ARHGEF25: variants seen among roughly 807,000 people sequenced by gnomAD.
The protein encoded by ARHGEF25 is RAC/CDC42 exchange factor.
Under a neutral mutation model 74.0 loss-of-function variants are expected in ARHGEF25, and 42 were observed. The ratio of observed to expected loss-of-function variants is 0.57; its 90% CI spans 0.44 to 0.73. The LOEUF (loss-of-function observed/expected upper bound fraction) is 0.73, where lower values mean the gene tolerates loss of function less well. ARHGEF25 is among the 30% of genes least tolerant of loss of function. The probability of loss-of-function intolerance (pLI) is 0.00; values close to 1 mark genes in which losing one functional copy is unlikely to be tolerated. For synonymous variants in ARHGEF25, 293 were observed against 278.6 expected (o/e 1.05, Z -0.51); for missense variants, 645 against 725.5 (o/e 0.89, Z 1.27).
In ARHGEF25 at chr12:57,615,712, G is replaced by C. The variant is rs1884254527; in HGVS notation, c.1239G>C (p.Lys413Asn). 6.2e-7 allele frequency: 1 copy of C among 1,614,192 alleles called. No homozygotes were observed. The highest frequency in any genetic ancestry group is 8.5e-7 in the Non-Finnish European group (1 of 1,180,036). Residue 413 changes from lysine (K) to asparagine (N), a missense_variant and splice_region_variant, in exon 12 of 15, where the codon AAG (lysine) becomes AAC (asparagine). Transcript: ENST00000286494. ...GATATGTATACAAGAACAGCATTAA[G>C]GTGGGGAGAAGGCCACGAGGGAGGG... ...QPGYVYKNSIKVSCLGLEGNL... is the reference protein window; with the variant it reads ...QPGYVYKNSINVSCLGLEGNL...
rs747710445 is a variant in ARHGEF25, at chr12:57,613,356, G to A, written c.405G>A (p.Thr135=). ...TGTTGGAGGGCCCTGGAGATAAGAC[G>A]CAGGTGTGAGGACAGGCTCTGGGGA... ...TTLLEGPGDK[T]QPPEEETLSQ... The change falls in exon 3 of 15, where the codon ACG becomes ACA. Residue 135 remains threonine, a synonymous_variant. Transcript: ENST00000286494. 1.2e-5 allele frequency: 20 copies of A among 1,614,112 alleles called. No homozygotes were observed. Among genetic ancestry groups the A allele is most frequent in the Non-Finnish European group, 1.4e-5 (17 of 1,180,040 alleles).
In ARHGEF25 at chr12:57,616,024, C is replaced by A; in HGVS notation, c.1420+7C>A. ...CAACGGGACTTCCTCAACGGTGAAG[C>A]TCTCATCCTTTCTTCCCGATGTGCT... On this transcript the variant is annotated splice_region_variant and intron_variant, in intron 13 of 14. Transcript: ENST00000286494. The A allele has an allele frequency of 6.2e-7, 1 of 1,607,132 alleles. No homozygotes were observed. The highest frequency in any genetic ancestry group is 1.1e-5 in the South Asian group (1 of 90,178).
chr12:57,612,650 C>T, intron 1 of ARHGEF25: 2 of 1,214,406 alleles, frequency 1.6e-6, no homozygotes, highest in Non-Finnish European at 2.1e-6. Flanking sequence ...ATGGCTGCCC[C>T]CACCCCCATA....
In ARHGEF25 at chr12:57,611,622, C is replaced by A. The variant is rs1884045978; in HGVS notation, c.-273C>A. The A allele has an allele frequency of 2.9e-6, 3 of 1,043,422 alleles. No homozygotes were observed. The Admixed American group carries it at 1.7e-4, about 59-fold the overall frequency. 64.6% of individuals were successfully genotyped at this position (1,043,422 alleles called of 1,614,324 possible). A position where few individuals can be genotyped will look rare whatever the true frequency, so the allele number is the denominator to read the frequency against. ...TTCCACTGGACATCTGGACCCTAGG[C>A]CCCCGCACCGACAGGGTTCCGGAAA... On this transcript the variant is annotated 5_prime_UTR_variant, in exon 1 of 15. Transcript: ENST00000286494. This position sits in a 1 kb window ranked among gnomAD's most constrained non-coding sequence, Gnocchi z 4.5.
In ARHGEF25 at chr12:57,617,205, T is replaced by C. The variant is rs1487046651; in HGVS notation, c.*311T>C. ...TTATTGGTTTTGTTTTTTAATTTTG[T>C]TTTTCCTGTTTTCTGAGAATAAAGG... On this transcript the variant is annotated 3_prime_UTR_variant, in exon 15 of 15. Transcript: ENST00000286494. The C allele has an allele frequency of 4.0e-6, 1 of 253,002 alleles. No homozygotes were observed. The highest frequency in any genetic ancestry group is 7.5e-6 in the Non-Finnish European group (1 of 133,510). 15.7% of individuals were successfully genotyped at this position (253,002 alleles called of 1,614,324 possible). A position where few individuals can be genotyped will look rare whatever the true frequency, so the allele number is the denominator to read the frequency against.
rs1884049187 is a variant in ARHGEF25, at chr12:57,611,668, G to T, written c.-227G>T. 9.0e-7 allele frequency: 1 copy of T among 1,109,670 alleles called. No individual in the cohort carries two copies. Among genetic ancestry groups the T allele is most frequent in the Non-Finnish European group, 1.1e-6 (1 of 909,966 alleles). 68.7% of individuals were successfully genotyped at this position (1,109,670 alleles called of 1,614,324 possible). ...GGAAACCCTCCCCGCCCAGCCCGGC[G>T]GCCGGGCCCCGCGCCTCTCTCTCTC... On this transcript the variant is annotated 5_prime_UTR_variant, in exon 1 of 15. Coordinates refer to ENST00000286494, the MANE Select transcript of ARHGEF25 (RefSeq NM_182947.4). This position sits in a 1 kb window ranked among gnomAD's most constrained non-coding sequence, Gnocchi z 4.5.
intron 4 of ARHGEF25, 80 bp downstream of exon 4, chr12:57,613,596 A>C: frequency 1.9e-6 from 3 of 1,611,680 alleles, no homozygotes; most frequent in Non-Finnish European, 2.5e-6. Context: ...ATTTCCTCCA[A>C]GGTTGGCTAT....
chr12:57,611,900 G>C lies in ARHGEF25; in HGVS notation c.6G>C (p.Arg2=). The stretch of plus-strand genomic sequence containing the variant: ...CGCGGGGGGGCCCGGGCGCCATGCG[G>C]GGGGGGCACAAAGGGGGTCGCTGTG... M[R]GGHKGGRCAC... The change falls in exon 1 of 15, where the codon CGG becomes CGC. Residue 2 remains arginine, a synonymous_variant. Coordinates refer to ENST00000286494, the MANE Select transcript of ARHGEF25 (RefSeq NM_182947.4). This position sits in a 1 kb window ranked among gnomAD's most constrained non-coding sequence, Gnocchi z 4.5. 6 of 1,257,256 alleles carry C rather than the reference G, an allele frequency of 4.8e-6. No homozygotes were observed. Among genetic ancestry groups the C allele is most frequent in the Non-Finnish European group, 6.1e-6 (6 of 978,216 alleles). 77.9% of individuals were successfully genotyped at this position (1,257,256 alleles called of 1,614,324 possible).
upstream of ARHGEF25, chr12:57,610,171 C>T (rs1376081953): frequency 1.3e-5 from 15 of 1,179,874 alleles, no homozygotes; most frequent in Admixed American, 2.4e-5. Flanking sequence ...CCCCCAGCTT[C>T]AGTGCCCCCT....
rs1884034747 is a variant in ARHGEF25 at position 57,611,443 on chromosome 12, C to A, written c.-452C>A. The A allele has an allele frequency of 2.0e-6, 2 of 985,292 alleles. No individual in the cohort carries two copies. The highest frequency in any genetic ancestry group is 2.4e-6 in the Non-Finnish European group (2 of 830,000). 61.0% of individuals were successfully genotyped at this position (985,292 alleles called of 1,614,324 possible). A position where few individuals can be genotyped will look rare whatever the true frequency, so the allele number is the denominator to read the frequency against. ...CCGCGGCCAGGCCTGTTATTCAGCT[C>A]TCCGCTCCGCTGGGACCCGCACAGC... On this transcript the variant is annotated 5_prime_UTR_variant, in exon 1 of 15. Coordinates refer to ENST00000286494, the MANE Select transcript of ARHGEF25 (RefSeq NM_182947.4). This position sits in a 1 kb window ranked among gnomAD's most constrained non-coding sequence, Gnocchi z 4.5.
In ARHGEF25 at chr12:57,611,445, C is replaced by G; in HGVS notation, c.-450C>G. On this transcript the variant is annotated 5_prime_UTR_variant, in exon 1 of 15. Coordinates refer to ENST00000286494, the MANE Select transcript of ARHGEF25 (RefSeq NM_182947.4). The surrounding 1 kb of genome is among the most constrained non-coding windows in gnomAD (Gnocchi z 4.5). ...GCGGCCAGGCCTGTTATTCAGCTCT[C>G]CGCTCCGCTGGGACCCGCACAGCGC... 6.1e-6 allele frequency: 6 copies of G among 985,422 alleles called. No homozygotes were observed. The highest frequency in any genetic ancestry group is 7.2e-6 in the Non-Finnish European group (6 of 830,010). 61.0% of individuals were successfully genotyped at this position (985,422 alleles called of 1,614,324 possible). A position where few individuals can be genotyped will look rare whatever the true frequency, so the allele number is the denominator to read the frequency against.
chr12:57,615,169 C>T (rs703833), intron 10 of ARHGEF25, 68 bp from the exon 11 acceptor site: 1,537,864 of 1,558,516 alleles, frequency 0.99, 760,781 homozygotes, highest in East Asian at 1. Context: ...GGCAACTGGC[C>T]GAGGAGGCCT....
chr12:57,613,338 G>C lies in ARHGEF25; in HGVS notation c.387G>C (p.Glu129Asp), dbSNP rs145818840. The C allele has an allele frequency of 6.2e-7, 1 of 1,614,118 alleles. No individual in the cohort carries two copies. Among genetic ancestry groups the C allele is most frequent in the Non-Finnish European group, 8.5e-7 (1 of 1,180,038 alleles). Residue 129 changes from glutamate (E) to aspartate (D), a missense_variant, in exon 3 of 15, where the codon GAG (glutamate) becomes GAC (aspartate). By Grantham distance (45) the Glu-to-Asp change is conservative (BLOSUM62 2). This residue lies in a region of ARHGEF25 where 189 missense variants were observed against 199.1 expected (regional missense o/e 0.95). Transcript: ENST00000286494. Reference protein sequence around the residue: ...PELTLLTTLLEGPGDKTQPPE... With the variant: ...PELTLLTTLLDGPGDKTQPPE... ...TGACCTTGCTGACCACACTGTTGGA[G>C]GGCCCTGGAGATAAGACGCAGGTGT...
At chr12:57,610,200 C>A (rs749789011), upstream of ARHGEF25, 6 of 1,552,590 alleles carry the variant, frequency 3.9e-6, no homozygotes, top group South Asian at 4.6e-5. Flanking sequence ...AAACTTGGAG[C>A]AGGGTGGGGG....
At position 57,616,928 on chromosome 12, in the gene ARHGEF25, C is replaced by G. The variant is rs752300346; in HGVS notation, c.*34C>G. The G allele has an allele frequency of 6.6e-7, 1 of 1,522,762 alleles. No individual in the cohort carries two copies. The highest frequency in any genetic ancestry group is 1.1e-5 in the South Asian group (1 of 88,956). The allele number at this position is 1,522,762 out of a possible 1,614,324, so 94.3% of individuals were successfully genotyped here. A position where few individuals can be genotyped will look rare whatever the true frequency, so the allele number is the denominator to read the frequency against. On this transcript the variant is annotated 3_prime_UTR_variant, in exon 15 of 15. Transcript: ENST00000286494. ...AACCATGGGGGTGGTGCTGACTCAG[C>G]CGCCTATTCCCCAAGGAGCTTCAGG...
upstream of ARHGEF25, chr12:57,610,320 G>C (rs752813169): frequency 6.7e-7 from 1 of 1,495,754 alleles, no homozygotes; most frequent in South Asian, 1.3e-5. Flanking sequence ...GAGGGGGTAA[G>C]AATGGGGGCT....
intron 13 of ARHGEF25, 90 bp downstream of exon 13, chr12:57,616,107 T>A: frequency 1.3e-6 from 2 of 1,514,714 alleles, no homozygotes; most frequent in Non-Finnish European, 1.8e-6. Flanking sequence ...ACCTACCCTC[T>A]GACCATGGCC....
chr12:57,616,490 A>T lies in ARHGEF25; in HGVS notation c.1627A>T (p.Lys543Ter). 1 of 1,613,870 alleles carries T rather than the reference A, an allele frequency of 6.2e-7. No individual in the cohort carries two copies. The highest frequency in any genetic ancestry group is 1.7e-4 in the Middle Eastern group (1 of 6,060). The change falls in exon 14 of 15, where the codon AAA becomes TAA. Residue 543 changes from lysine (K) to a stop codon, truncating the protein, a stop_gained. Transcript: ENST00000286494. LOFTEE classifies it high-confidence loss of function. The part of the protein sequence containing the change: ...EVARALLPLD[K>*]QALGDIPQAP... Reference sequence around the variant, plus strand: ...GGCCAGAGCCCTCTTGCCACTGGATAAACAGGTATGACGAATAGAGCTCCC... The same window carrying T: ...GGCCAGAGCCCTCTTGCCACTGGATTAACAGGTATGACGAATAGAGCTCCC...
rs975691639 is a variant in ARHGEF25, at chr12:57,615,023, G to A, written c.960+6G>A. The A allele has an allele frequency of 1.2e-6, 2 of 1,613,806 alleles. No homozygotes were observed. The highest frequency in any genetic ancestry group is 3.3e-5 in the Admixed American group (2 of 59,998). ...TGGATACTGCAGACCTAGAGGTGAG[G>A]ACCCCAGATCTTCCAGGACACACCA... On this transcript the variant is annotated splice_donor_region_variant and intron_variant, in intron 10 of 14. Transcript: ENST00000286494.
Sources: gnomAD v4.1 joint callset for allele counts on GRCh38, gnomAD v4.1.1 for gene constraint, gnomAD v4.1.1 regional missense constraint, Gnocchi (gnomAD v3.1) non-coding constraint, MANE v1.5 for transcripts, NCBI Gene and HGNC (gene_info 2026-07-23, HGNC 2026-07-21) for gene names.